The following LAMA3 variants were observed in gnomAD, a reference collection of about 807,000 sequenced individuals.
The protein encoded by LAMA3 is laminin subunit alpha-3.
LAMA3 carries 281 observed loss-of-function variants against 402.0 expected under a neutral mutation model. That is an observed-to-expected ratio of 0.70 (90% confidence interval 0.63 to 0.77). The LOEUF (loss-of-function observed/expected upper bound fraction) is 0.77, where lower values mean the gene tolerates loss of function less well. Among genes scored for constraint, LAMA3 ranks in the 30% least tolerant of loss-of-function variants. The probability of loss-of-function intolerance (pLI) is 0.00; values close to 1 mark genes in which losing one functional copy is unlikely to be tolerated. For synonymous variants in LAMA3, 1,431 were observed against 1,558.4 expected (o/e 0.92, Z 1.93); for missense variants, 3,840 against 4,215.5 (o/e 0.91, Z 2.47).
At chr18:23,949,013 A>G (rs1383748599) in intron 70 of LAMA3, among the ~76,000 whole-genome samples, 2 of 152,234 alleles carry the variant, frequency 1.3e-5, no homozygotes, top group East Asian at 3.8e-4. Flanking sequence ...TATGAAATTT[A>G]CAGTCCTCCC....
At chr18:23,877,246 A>G (rs2064752965) in intron 39 of LAMA3, among the ~76,000 whole-genome samples, 1 of 152,182 alleles carries the variant, frequency 6.6e-6, no homozygotes, top group Non-Finnish European at 1.5e-5. Flanking sequence ...GCTGTCTTGG[A>G]TGACTACAGC....
chr18:23,827,828 A>C (rs2063414763), intron 23 of LAMA3, among the ~76,000 whole-genome samples: 1 of 152,204 alleles, frequency 6.6e-6, no homozygotes, highest in African/African-American at 2.4e-5. Context: ...CAGAAATGAC[A>C]CAGCTTACCC....
At chr18:23,892,903 CAAA>C (rs34079963) in intron 42 of LAMA3, among the ~76,000 whole-genome samples, 1 of 69,452 alleles carries the variant, frequency 1.4e-5, no homozygotes, top group Non-Finnish European at 3.4e-5. Flanking sequence ...AACTCTGTCT[CAAA>C]AAAAAAAAAA....
intron 20 of LAMA3, among the ~76,000 whole-genome samples, chr18:23,824,218 T>C (rs1242946458): frequency 6.6e-6 from 1 of 151,842 alleles, no homozygotes; most frequent in Non-Finnish European, 1.5e-5. Flanking sequence ...TAGCCATTGC[T>C]GATGTCTTAT....
chr18:23,899,180 TA>T lies in LAMA3; in HGVS notation c.5837-102del, dbSNP rs898099944. ...TATGAAAAGAATCCCATAGTGATAC[TA>T]AAAAACTAATATAAAATCTCCATAG... On this transcript the variant is annotated intron_variant, in intron 46 of 74. Transcript: ENST00000313654. 6.6e-5 allele frequency: 84 copies of T among 1,281,844 alleles called. No homozygotes were observed. The South Asian group carries it at 6.8e-4, about 10-fold the overall frequency. 79.4% of individuals were successfully genotyped at this position (1,281,844 alleles called of 1,614,324 possible). A position where few individuals can be genotyped will look rare whatever the true frequency, so the allele number is the denominator to read the frequency against.
At chr18:23,905,067 T>C (rs1168796932) in intron 51 of LAMA3, among the ~76,000 whole-genome samples, 1 of 152,082 alleles carries the variant, frequency 6.6e-6, no homozygotes, top group Non-Finnish European at 1.5e-5. Flanking sequence ...TCTCGGTGTG[T>C]CTGTGGAGTC....
intron 6 of LAMA3, 134 bp downstream of exon 6, chr18:23,753,946 G>C: frequency 1.4e-6 from 1 of 715,866 alleles, no homozygotes; most frequent in East Asian, 2.7e-5. Flanking sequence ...TGAATAGGTG[G>C]GGGGTGTGTG....
Position 23,846,292 on chromosome 18 carries a change from C to T in LAMA3, c.3720-5C>T, listed in dbSNP as rs1412380831. On this transcript the variant is annotated splice_region_variant and splice_polypyrimidine_tract_variant and intron_variant, in intron 30 of 74. Transcript: ENST00000313654. ...CATCACCATGAGTTGTTTCTGTCTC[C>T]ACAGCCCCCAGACAGCCTCCAGATT... 1 of 1,614,064 alleles carries T rather than the reference C, an allele frequency of 6.2e-7. No homozygotes were observed. Among genetic ancestry groups the T allele is most frequent in the East Asian group, 2.2e-5 (1 of 44,892 alleles).
chr18:23,813,146 T>A (rs753794097), intron 14 of LAMA3, 43 bp downstream of exon 14: 3 of 1,317,192 alleles, frequency 2.3e-6, no homozygotes, highest in Non-Finnish European at 3.3e-6. Flanking sequence ...CTATCTCTAT[T>A]ATTCTCATGC....
chr18:23,737,562 C>G (rs754886748), intron 2 of LAMA3, among the ~76,000 whole-genome samples: 5 of 152,226 alleles, frequency 3.3e-5, no homozygotes, highest in Non-Finnish European at 5.9e-5. Flanking sequence ...ACATCCTGAT[C>G]CAAGAGTTCA....
chr18:23,833,414 G>T (rs1598882697), intron 23 of LAMA3, among the ~76,000 whole-genome samples: 1 of 151,642 alleles, frequency 6.6e-6, no homozygotes, highest in African/African-American at 2.4e-5. Flanking sequence ...CAATTAAAGA[G>T]CCCAAAGGCA....
At chr18:23,941,158 G>C (rs962551166) in intron 68 of LAMA3, among the ~76,000 whole-genome samples, 4 of 151,584 alleles carry the variant, frequency 2.6e-5, no homozygotes, top group Admixed American at 1.3e-4. Context: ...GGCTGGTCTC[G>C]AACTCCTGAC....
At chr18:23,790,614 G>A (rs190603242) in intron 12 of LAMA3, among the ~76,000 whole-genome samples, 6 of 152,128 alleles carry the variant, frequency 3.9e-5, no homozygotes, top group East Asian at 1.9e-4. Flanking sequence ...TTGCGGCTTC[G>A]GACTTTCAAA....
rs2063172837 is a variant in LAMA3 at position 23,816,239 on chromosome 18, T to G, written c.2048-149T>G. ...CATTTTGGTTTGGGAGTTTCCAAGA[T>G]TTCAAACACTTGCCAGACAGATGTG... is the stretch of plus-strand genomic sequence containing the variant. On this transcript the variant is annotated intron_variant, in intron 17 of 74. Coordinates refer to ENST00000313654, the MANE Select transcript of LAMA3 (RefSeq NM_198129.4). 3 of 711,058 alleles carry G rather than the reference T, an allele frequency of 4.2e-6. No individual in the cohort carries two copies. The African/African-American group carries it at 5.3e-5, about 12-fold the overall frequency. 44.0% of individuals were successfully genotyped at this position (711,058 alleles called of 1,614,324 possible).
intron 67 of LAMA3, among the ~76,000 whole-genome samples, chr18:23,936,278 G>A (rs1282061273): frequency 6.6e-6 from 1 of 151,132 alleles, no homozygotes; most frequent in Non-Finnish European, 1.5e-5. Flanking sequence ...TAGGGTACAT[G>A]TGCACAACGT....
intron 27 of LAMA3, among the ~76,000 whole-genome samples, chr18:23,840,381 C>CTT (rs1303915333): frequency 1.8e-4 from 5 of 28,298 alleles, no homozygotes; most frequent in Admixed American, 5.9e-4. Context: ...ACCTTTCTTT[C>CTT]TTTTTTTTTT....
In LAMA3 at chr18:23,816,464, T is replaced by C; in HGVS notation, c.2124T>C (p.His708=). 8.7e-6 allele frequency: 14 copies of C among 1,614,008 alleles called. No homozygotes were observed. The highest frequency in any genetic ancestry group is 1.2e-5 in the Non-Finnish European group (14 of 1,179,974). Residue 708 remains histidine (H), a synonymous_variant, in exon 18 of 75, where the codon CAT becomes CAC. Coordinates refer to ENST00000313654, the MANE Select transcript of LAMA3 (RefSeq NM_198129.4). ...GPSGVCQCRE[H]VVGKVCQRPE... Reference sequence around the variant, plus strand: ...CGGGAGTGTGCCAGTGCCGAGAGCATGTCGTGGGAAAGGTGTGCCAGCGGT... The same window carrying C: ...CGGGAGTGTGCCAGTGCCGAGAGCACGTCGTGGGAAAGGTGTGCCAGCGGT...
chr18:23,834,493 G>A (rs2063545875), intron 24 of LAMA3: 1 of 173,864 alleles, frequency 5.8e-6, no homozygotes. Flanking sequence ...CCCTGATGAA[G>A]TTCTTCTCTT....
intron 25 of LAMA3, 37 bp from the exon 26 acceptor site, chr18:23,838,744 C>T (rs1397157623): frequency 4.2e-6 from 5 of 1,197,374 alleles, no homozygotes; most frequent in Admixed American, 3.4e-5. Flanking sequence ...TTGCTGGTAA[C>T]TGCAATGTGC....
Sources: allele counts gnomAD v4.1 joint callset (sites outside exome capture counted in the v4.1 genomes callset), GRCh38; gene constraint gnomAD v4.1.1; transcripts MANE v1.5; gene names NCBI Gene and HGNC (gene_info 2026-07-23, HGNC 2026-07-21).